Variants in LIPA observed in about 807,000 individuals in gnomAD.
The protein encoded by LIPA is lysosomal acid lipase/cholesteryl ester hydrolase.
In LIPA, 26 loss-of-function variants were observed where a neutral mutation model predicts 40.6. The ratio of observed to expected loss-of-function variants is 0.64; its 90% CI spans 0.47 to 0.89. The LOEUF (loss-of-function observed/expected upper bound fraction) is 0.89. Among genes scored for constraint, LIPA ranks in the 40% least tolerant of loss-of-function variants. The probability of loss-of-function intolerance (pLI) is 0.00; values close to 1 mark genes in which losing one functional copy is unlikely to be tolerated. For missense variants in LIPA, 455 were observed against 479.6 expected, an observed-to-expected ratio of 0.95 and a Z score of 0.48; for synonymous variants, 188 against 168.4, an observed-to-expected ratio of 1.12 and a Z score of -0.90.
At chr10:89,394,621 TATATATAA>T (rs1401688870) in intron 2 of LIPA, among the ~76,000 whole-genome samples, 262 of 25,262 alleles carry the variant, frequency 0.01, 20 homozygotes, top group African/African-American at 0.066. Flanking sequence ...TATATATATA[TATATATAA>T]AACTTGAATT....
intron 1 of LIPA, among the ~76,000 whole-genome samples, chr10:89,317,146 G>T (rs560401003): frequency 6.6e-6 from 1 of 152,378 alleles, no homozygotes; most frequent in South Asian, 2.1e-4. Flanking sequence ...TAAAAAATCA[G>T]AGTGCCTCTT....
intron 1 of LIPA, among the ~76,000 whole-genome samples, chr10:89,276,354 G>A (rs976216789): frequency 1.3e-5 from 2 of 152,194 alleles, no homozygotes; most frequent in African/African-American, 4.8e-5. Flanking sequence ...ACCAGCCTGA[G>A]CTAAGACATT....
At chr10:89,388,598 G>A (rs562633224) in intron 2 of LIPA, among the ~76,000 whole-genome samples, 1 of 152,112 alleles carries the variant, frequency 6.6e-6, no homozygotes, top group Admixed American at 6.5e-5. Flanking sequence ...AAAAAATCCA[G>A]TGTACCTGGG....
At chr10:89,336,530 AGCGGTGTGAGGG>A (rs897178934) in intron 1 of LIPA, among the ~76,000 whole-genome samples, 4 of 152,224 alleles carry the variant, frequency 2.6e-5, no homozygotes, top group African/African-American at 9.6e-5. Flanking sequence ...CACTTGCAGT[AGCGGTGTGAGGG>A]CCAGTGCTCG....
In LIPA at chr10:89,223,752, T is replaced by A. The variant is rs147493628; in HGVS notation, c.754A>T (p.Ile252Leu). ...WLGTHVCTHVILKELCGNLCF... is the reference protein window; with the variant it reads ...WLGTHVCTHVLLKELCGNLCF... Reference sequence around the variant, plus strand: ...AGATTTCCACAGAGCTCCTTCAGTATGACATGAGTGCAAACGTGGGTACCC... The same window carrying A: ...AGATTTCCACAGAGCTCCTTCAGTAAGACATGAGTGCAAACGTGGGTACCC... Residue 252 changes from isoleucine (I) to leucine (L), a missense_variant, in exon 7 of 10, where the codon ATA becomes TTA. Transcript: ENST00000336233. 2.2e-3 allele frequency: 3,504 copies of A among 1,613,746 alleles called. 7 individuals are homozygous for A. The highest frequency in any genetic ancestry group is 2.7e-3 in the Non-Finnish European group (3,138 of 1,179,628).
intron 2 of LIPA, among the ~76,000 whole-genome samples, chr10:89,401,626 C>G (rs1391446730): frequency 6.6e-6 from 1 of 152,076 alleles, no homozygotes; most frequent in Non-Finnish European, 1.5e-5. Context: ...TAGCACTATA[C>G]AAAAGCATTG....
intron 2 of LIPA, among the ~76,000 whole-genome samples, chr10:89,347,731 G>A (rs542146927): frequency 6.6e-6 from 1 of 152,174 alleles, no homozygotes; most frequent in Non-Finnish European, 1.5e-5. Context: ...GAAGTCCAGA[G>A]AGCTTCCTCC....
chr10:89,239,482 AG>A (rs1480568339), intron 3 of LIPA, among the ~76,000 whole-genome samples: 2 of 152,234 alleles, frequency 1.3e-5, no homozygotes, highest in African/African-American at 4.8e-5. Context: ...TGCATTCAGG[AG>A]TCATGTGGCC....
chr10:89,410,647 A>G (rs1211909334), intron 2 of LIPA, among the ~76,000 whole-genome samples: 1 of 152,274 alleles, frequency 6.6e-6, no homozygotes, highest in African/African-American at 2.4e-5. Context: ...ATAAATGTGT[A>G]TACAGAGAGC....
intron 3 of LIPA, among the ~76,000 whole-genome samples, chr10:89,244,559 G>T (rs914225039): frequency 2.6e-5 from 4 of 151,982 alleles, no homozygotes; most frequent in African/African-American, 9.7e-5. Context: ...TCCAGCCTGG[G>T]CAACAAGACC....
At chr10:89,378,213 A>G in intron 2 of LIPA, 3 of 1,497,612 alleles carry the variant, frequency 2.0e-6, no homozygotes, top group South Asian at 1.1e-5. Context: ...TTAAGGGCCA[A>G]TTTTTTGACA....
upstream of LIPA, among the ~76,000 whole-genome samples, chr10:89,253,996 G>A (rs1204310382): frequency 6.6e-6 from 1 of 152,228 alleles, no homozygotes; most frequent in African/African-American, 2.4e-5. Flanking sequence ...GGCTTTGCAG[G>A]GGGACCCTTC....
At chr10:89,337,271 T>C (rs2133561396) in intron 1 of LIPA, among the ~76,000 whole-genome samples, 1 of 152,366 alleles carries the variant, frequency 6.6e-6, no homozygotes, top group South Asian at 2.1e-4. Flanking sequence ...TCTATTTTTC[T>C]TAGTATCCAT....
At chr10:89,290,339 C>T (rs145615751) in intron 1 of LIPA, among the ~76,000 whole-genome samples, 26 of 152,282 alleles carry the variant, frequency 1.7e-4, no homozygotes, top group African/African-American at 6.0e-4. Flanking sequence ...CACAGTATCA[C>T]CCCTTACCAC....
chr10:89,241,246 T>A (rs1842961516), intron 3 of LIPA, among the ~76,000 whole-genome samples: 1 of 152,196 alleles, frequency 6.6e-6, no homozygotes, highest in Non-Finnish European at 1.5e-5. Context: ...TGAGATAAGC[T>A]GTACAGCTGA....
At chr10:89,413,996 C>T (rs1337223934) in intron 1 of LIPA, among the ~76,000 whole-genome samples, 1 of 152,114 alleles carries the variant, frequency 6.6e-6, no homozygotes, top group African/African-American at 2.4e-5. Context: ...ACATTTTCTG[C>T]CTAGATCCCC....
chr10:89,246,049 T>C (rs1032606783), intron 2 of LIPA, among the ~76,000 whole-genome samples: 10 of 152,282 alleles, frequency 6.6e-5, no homozygotes, highest in Non-Finnish European at 7.4e-5. Context: ...ATACCAAATT[T>C]GCCTAACTTT....
At chr10:89,343,522 AAG>A (rs1223633095), upstream of LIPA, among the ~76,000 whole-genome samples, 9 of 152,204 alleles carry the variant, frequency 5.9e-5, no homozygotes, top group Admixed American at 5.9e-4. Context: ...CCAGGGGAGA[AAG>A]AAGCATGAAA....
At chr10:89,394,231 A>T (rs1449295232) in intron 2 of LIPA, among the ~76,000 whole-genome samples, 2 of 152,194 alleles carry the variant, frequency 1.3e-5, no homozygotes, top group Non-Finnish European at 2.9e-5. Context: ...ATCTAAACAT[A>T]TTTAAACATA....
Sources: allele counts gnomAD v4.1 joint callset (sites outside exome capture counted in the v4.1 genomes callset), GRCh38; gene constraint gnomAD v4.1.1; transcripts MANE v1.5; gene names NCBI Gene and HGNC (gene_info 2026-07-23, HGNC 2026-07-21).